The following CHL1 variants were observed in gnomAD, a reference collection of about 807,000 sequenced individuals.
The protein encoded by CHL1 is neural cell adhesion molecule L1-like protein.
CHL1 carries 96 observed loss-of-function variants against 141.9 expected under a neutral mutation model. The ratio of observed to expected loss-of-function variants is 0.68; its 90% CI spans 0.57 to 0.80. The LOEUF is 0.80. CHL1 is among the 30% of genes least tolerant of loss of function. The pLI, the probability that CHL1 is intolerant of heterozygous loss-of-function variation, is 0.00. For missense variants in CHL1, 1,820 were observed against 1,457.2 expected (o/e 1.25, Z -4.05); for synonymous variants, 613 against 502.2 (o/e 1.22, Z -2.95).
At chr3:206,959 G>T (rs910546308) in intron 1 of CHL1, among the ~76,000 whole-genome samples, 1 of 150,958 alleles carries the variant, frequency 6.6e-6, no homozygotes, top group Non-Finnish European at 1.5e-5. Context: ...AATAGAAATC[G>T]TTGGCAATGG....
At chr3:267,981 T>C (rs1034313653) in intron 2 of CHL1, among the ~76,000 whole-genome samples, 1 of 152,162 alleles carries the variant, frequency 6.6e-6, no homozygotes, top group African/African-American at 2.4e-5. Flanking sequence ...GATTCTTTCC[T>C]ATGAAAAACC....
At position 366,127 on chromosome 3, in the gene CHL1, A is replaced by T. The variant is rs202236990; in HGVS notation, c.1751+12A>T. On this transcript the variant is annotated intron_variant, in intron 15 of 27. Coordinates refer to ENST00000256509, the MANE Select transcript of CHL1 (RefSeq NM_006614.4). ...ACAGAAGATGGCAGGTAGGTAAACTATTATGATATGTCATAATATTTGCTT... is the reference window on the plus strand; with the variant it reads ...ACAGAAGATGGCAGGTAGGTAAACTTTTATGATATGTCATAATATTTGCTT... The T allele has an allele frequency of 6.2e-7, 1 of 1,610,160 alleles. No individual in the cohort carries two copies. The highest frequency in any genetic ancestry group is 1.1e-5 in the South Asian group (1 of 90,470).
At position 244,365 on chromosome 3, in the gene CHL1, G is replaced by A. The variant is rs547959850; in HGVS notation, c.-174-248G>A. Reference sequence around the variant, plus strand: ...ATCGATAATGTTTTCAATGAGAAGTGTAATTACGTGGCTGCTTTTTGCATG... The same window carrying A: ...ATCGATAATGTTTTCAATGAGAAGTATAATTACGTGGCTGCTTTTTGCATG... On this transcript the variant is annotated intron_variant, in intron 1 of 27. Coordinates refer to ENST00000256509, the MANE Select transcript of CHL1 (RefSeq NM_006614.4). 1.7e-4 allele frequency among the ~76,000 whole-genome samples: 26 copies of A among 152,278 alleles called. 1 individual carries two copies. Among genetic ancestry groups the A allele is most frequent in the African/African-American group, 6.0e-4 (25 of 41,558 alleles).
At chr3:212,671 A>C (rs1167577597) in intron 1 of CHL1, among the ~76,000 whole-genome samples, 1 of 151,910 alleles carries the variant, frequency 6.6e-6, no homozygotes, top group Non-Finnish European at 1.5e-5. Flanking sequence ...TTTCGTTTCC[A>C]CTTTCAGCTG....
intron 2 of CHL1, among the ~76,000 whole-genome samples, chr3:245,821 C>CTA (rs1375315795): frequency 2.0e-5 from 3 of 152,054 alleles, no homozygotes; most frequent in Admixed American, 6.6e-5. Flanking sequence ...AAGAATAAGT[C>CTA]TATGAAGAAA....
chr3:311,364 CTTT>C (rs34996009), intron 2 of CHL1, among the ~76,000 whole-genome samples: 11 of 139,484 alleles, frequency 7.9e-5, no homozygotes, highest in African/African-American at 7.8e-5. Context: ...GACCACACAA[CTTT>C]TTTTTTTTTT....
chr3:273,929 T>C (rs1483473834), intron 2 of CHL1, among the ~76,000 whole-genome samples: 1 of 152,200 alleles, frequency 6.6e-6, no homozygotes, highest in Admixed American at 6.5e-5. Context: ...CTGCCTAAAA[T>C]GTGTTGATGA....
intron 2 of CHL1, among the ~76,000 whole-genome samples, chr3:276,690 CCG>C (rs1200984900): frequency 1.2e-4 from 18 of 151,780 alleles, no homozygotes; most frequent in Non-Finnish European, 2.9e-5. Context: ...GAGATTGAGA[CCG>C]TCCTGGCTAA....
chr3:305,163 A>G (rs1173235199), intron 2 of CHL1, among the ~76,000 whole-genome samples: 1 of 152,168 alleles, frequency 6.6e-6, no homozygotes, highest in African/African-American at 2.4e-5. Flanking sequence ...CTTTCATTCA[A>G]AGGAAAATCT....
At chr3:210,439 T>G (rs1224321508) in intron 1 of CHL1, among the ~76,000 whole-genome samples, 1 of 152,164 alleles carries the variant, frequency 6.6e-6, no homozygotes, top group Non-Finnish European at 1.5e-5. Flanking sequence ...CCAGGATGGC[T>G]TCCCTCACAT....
At chr3:401,084 T>C (rs1232889840) in intron 26 of CHL1, among the ~76,000 whole-genome samples, 1 of 151,980 alleles carries the variant, frequency 6.6e-6, no homozygotes, top group Non-Finnish European at 1.5e-5. Context: ...GTGTTTTTAA[T>C]AGAGACAGGG....
intron 8 of CHL1, among the ~76,000 whole-genome samples, chr3:343,444 A>G (rs1004765836): frequency 1.3e-5 from 2 of 152,178 alleles, no homozygotes; most frequent in Admixed American, 1.3e-4. Flanking sequence ...GGCTTTTTGA[A>G]ATATTTGACA....
intron 2 of CHL1, among the ~76,000 whole-genome samples, chr3:253,514 G>A (rs568515211): frequency 3.3e-5 from 5 of 152,194 alleles, no homozygotes; most frequent in African/African-American, 1.2e-4. Context: ...TTTGTATGCG[G>A]GCCAATAAAG....
chr3:271,495 T>C (rs1285877125), intron 2 of CHL1, among the ~76,000 whole-genome samples: 2 of 152,208 alleles, frequency 1.3e-5, no homozygotes, highest in East Asian at 3.8e-4. Context: ...TAATATATAG[T>C]AGCTCTTATT....
At chr3:265,089 C>T (rs1300592526) in intron 2 of CHL1, among the ~76,000 whole-genome samples, 3 of 152,160 alleles carry the variant, frequency 2.0e-5, no homozygotes, top group East Asian at 1.9e-4. Context: ...GCTTATTGGC[C>T]GTGTGCCAAG....
chr3:324,727 C>T (rs1191011509), intron 3 of CHL1, among the ~76,000 whole-genome samples: 1 of 151,772 alleles, frequency 6.6e-6, no homozygotes, highest in Non-Finnish European at 1.5e-5. Flanking sequence ...CAGCTTCAAC[C>T]TCCTGGTCTC....
In CHL1 at chr3:254,139, A is replaced by G. The variant is rs138775660; in HGVS notation, c.-95+9447A>G. ...TTAACATGTTAGCCCTGCTTTAGGG[A>G]TTGCCTCAGTGGAAGAGAGTACTCC... On this transcript the variant is annotated intron_variant, in intron 2 of 27. Coordinates refer to ENST00000256509, the MANE Select transcript of CHL1 (RefSeq NM_006614.4). Among the ~76,000 whole-genome samples, 126 of 152,184 alleles carry G rather than the reference A, an allele frequency of 8.3e-4. 1 individual carries two copies. Among genetic ancestry groups the G allele is most frequent in the African/African-American group, 2.7e-3 (114 of 41,526 alleles).
At chr3:356,462 T>C (rs1286368764) in intron 11 of CHL1, among the ~76,000 whole-genome samples, 2 of 152,166 alleles carry the variant, frequency 1.3e-5, no homozygotes, top group African/African-American at 4.8e-5. Context: ...GCTTGAGATA[T>C]ACAACAGTGA....
chr3:371,087 G>A (rs1443261086), intron 15 of CHL1, among the ~76,000 whole-genome samples: 1 of 152,136 alleles, frequency 6.6e-6, no homozygotes, highest in Non-Finnish European at 1.5e-5. Flanking sequence ...CTGTTGATTT[G>A]GGGTGGAGAG....
Sources: allele counts gnomAD v4.1 joint callset (sites outside exome capture counted in the v4.1 genomes callset), GRCh38; gene constraint gnomAD v4.1.1; transcripts MANE v1.5; gene names NCBI Gene and HGNC (gene_info 2026-07-23, HGNC 2026-07-21).